The following SLC4A9 variants were observed in gnomAD, a reference collection of about 807,000 sequenced individuals.
SLC4A9 encodes the protein solute carrier family 4 member 9, also known as anion exchange protein 4.
Under a neutral mutation model 103.2 loss-of-function variants are expected in SLC4A9, and 102 were observed. That is an observed-to-expected ratio of 0.99 (90% CI 0.84 to 1.17). The LOEUF (loss-of-function observed/expected upper bound fraction) is 1.17. Ranked by LOEUF, SLC4A9 falls within the 50% of genes most tolerant of loss-of-function variation. The pLI is 0.00. For missense variants in SLC4A9, 1,091 were observed against 1,193.7 expected (o/e 0.91, Z 1.27); for synonymous variants, 453 against 483.6 (o/e 0.94, Z 0.83).
At chr5:140,361,194 G>A in intron 2 of SLC4A9, 60 bp from the exon 3 acceptor site, 1 of 1,439,114 alleles carries the variant, frequency 6.9e-7, no homozygotes, top group South Asian at 1.2e-5. Flanking sequence ...AGAGGGAGAA[G>A]GGGAAGAGTG....
rs778102992 is a variant in SLC4A9 at position 140,367,579 on chromosome 5, C to T, written c.2173C>T (p.Gln725Ter). Residue 725 changes from glutamine to a stop codon, truncating the protein, a stop_gained and splice_region_variant, in exon 15 of 22, where the codon CAG becomes TAG. Transcript: ENST00000506757. LOFTEE classifies it high-confidence loss of function. ...VILNRMEYRL[Q>*]KGAGFHLDLF... ...CCTCAACCGCATGGAATACAGACTG[C>T]AGGTAAGGCCTGCTGGGTAAGGCCC... The T allele has an allele frequency of 6.2e-7, 1 of 1,602,272 alleles. No homozygotes were observed. Among genetic ancestry groups the T allele is most frequent in the Non-Finnish European group, 8.5e-7 (1 of 1,174,496 alleles).
intron 18 of SLC4A9, 30 bp from the exon 19 acceptor site, chr5:140,371,421 C>T (rs756300051): frequency 8.7e-6 from 14 of 1,613,116 alleles, no homozygotes; most frequent in Non-Finnish European, 1.2e-5. Context: ...ACCTGAGTGC[C>T]CTGCTTTCCT....
chr5:140,367,623 C>T, intron 15 of SLC4A9, 42 bp downstream of exon 15: 1 of 1,599,220 alleles, frequency 6.3e-7, no homozygotes, highest in Non-Finnish European at 8.5e-7. Flanking sequence ...GGGACAGAAG[C>T]TCCAGGGGAG....
rs745391962 is a variant in SLC4A9, at chr5:140,371,602, C to A, written c.2648C>A (p.Ala883Glu). 1.2e-6 allele frequency: 2 copies of A among 1,614,056 alleles called. No homozygotes were observed. Among genetic ancestry groups the A allele is most frequent in the Admixed American group, 1.7e-5 (1 of 60,032 alleles). ...GLLWIIKSTP[A>E]AIIFPLMLLG... ...CTTTGGATAATCAAGTCTACCCCTG[C>A]AGCCATCATCTTCCCCCTCATGGTA... The change falls in exon 19 of 22, where the codon GCA (alanine) becomes GAA (glutamate). Residue 883 changes from alanine to glutamate, a missense_variant. Transcript: ENST00000506757.
At position 140,361,805 on chromosome 5, in the gene SLC4A9, T is replaced by C. The variant is rs777411791; in HGVS notation, c.506-3T>C. 2.6e-5 allele frequency: 42 copies of C among 1,613,892 alleles called. No homozygotes were observed. The highest frequency in any genetic ancestry group is 3.2e-5 in the Non-Finnish European group (38 of 1,179,894). ...TTAATCACTGCATAATCCTGTTTTG[T>C]AGGCTCTACTCATCCAAGAAAGGCT... On this transcript the variant is annotated splice_region_variant and splice_polypyrimidine_tract_variant and intron_variant, in intron 3 of 21. Transcript: ENST00000506757.
chr5:140,370,413 C>T (rs1477429272), intron 17 of SLC4A9, among the ~76,000 whole-genome samples: 2 of 148,128 alleles, frequency 1.4e-5, no homozygotes, highest in Non-Finnish European at 3.0e-5. Flanking sequence ...TGCAGTGAGC[C>T]GAGATCAAGC....
chr5:140,362,590 GCA>G (rs1767262460), intron 6 of SLC4A9, 58 bp downstream of exon 6: 4 of 1,452,612 alleles, frequency 2.8e-6, no homozygotes, highest in Non-Finnish European at 3.9e-6. Context: ...GTGTGTGTGT[GCA>G]CACATGCATA....
rs1430988114 is a variant in SLC4A9 at position 140,368,643 on chromosome 5, T to C, written c.2411T>C (p.Leu804Pro). The C allele has an allele frequency of 2.5e-6, 4 of 1,613,398 alleles. No homozygotes were observed. Among genetic ancestry groups the C allele is most frequent in the Non-Finnish European group, 3.4e-6 (4 of 1,179,684 alleles). The change falls in exon 17 of 22, where the codon CTG (leucine) becomes CCG (proline). Residue 804 changes from leucine (L) to proline (P), a missense_variant. Coordinates refer to ENST00000506757, the MANE Select transcript of SLC4A9 (RefSeq NM_031467.3). ...ATCCTTACAGGAGCCTCCATCTTCC[T>C]GGCACCTGTGCTCAAGGTACCTTTG... is the stretch of plus-strand genomic sequence containing the variant. ...VFILTGASIF[L>P]APVLKFIPMP...
At chr5:140,372,981 G>T (rs1293822122) in intron 21 of SLC4A9, 138 bp downstream of exon 21, 3 of 517,504 alleles carry the variant, frequency 5.8e-6, no homozygotes, top group Non-Finnish European at 6.7e-6. Flanking sequence ...GGGTGCTGGG[G>T]TGTAGAAGGG....
intron 21 of SLC4A9, among the ~76,000 whole-genome samples, chr5:140,374,412 T>C (rs1031572833): frequency 7.3e-5 from 11 of 151,052 alleles, no homozygotes; most frequent in African/African-American, 2.7e-4. Flanking sequence ...ATACAAAAAT[T>C]AGCTGGGTGT....
rs1268751672 is a variant in SLC4A9, at chr5:140,372,175, G to A, written c.2671-67G>A. ...CTAGCACATAGGAAGTGCTCAATAAGTGTTACTATTGTTAATGTTCCTACT... is the reference window on the plus strand; with the variant it reads ...CTAGCACATAGGAAGTGCTCAATAAATGTTACTATTGTTAATGTTCCTACT... On this transcript the variant is annotated intron_variant, in intron 19 of 21. Coordinates refer to ENST00000506757, the MANE Select transcript of SLC4A9 (RefSeq NM_031467.3). 8.0e-6 allele frequency: 11 copies of A among 1,380,620 alleles called. No homozygotes were observed. The African/African-American group carries it at 1.0e-4, about 13-fold the overall frequency. The allele number at this position is 1,380,620 out of a possible 1,614,324, so 85.5% of individuals were successfully genotyped here.
At position 140,362,920 on chromosome 5, in the gene SLC4A9, G is replaced by A. The variant is rs1464915592; in HGVS notation, c.816G>A (p.Gln272=). 2 of 1,613,972 alleles carry A rather than the reference G, an allele frequency of 1.2e-6. No individual in the cohort carries two copies. Among genetic ancestry groups the A allele is most frequent in the Non-Finnish European group, 1.7e-6 (2 of 1,179,878 alleles). Residue 272 remains glutamine, a synonymous_variant, in exon 7 of 22, where the codon CAG becomes CAA. Coordinates refer to ENST00000506757, the MANE Select transcript of SLC4A9 (RefSeq NM_031467.3). ...AAVLLSDPQF[Q]WSVRRASNLH... ...TGTGCCCCCATTCCCAGCAATTCCAGTGGTCAGTTCGTCGGGCCAGCAACC... is the reference window on the plus strand; with the variant it reads ...TGTGCCCCCATTCCCAGCAATTCCAATGGTCAGTTCGTCGGGCCAGCAACC...
In SLC4A9 at chr5:140,366,216, T is replaced by C. The variant is rs1463541800; in HGVS notation, c.1965T>C (p.Ala655=). Residue 655 remains alanine (A), a synonymous_variant, in exon 14 of 22, where the codon GCT becomes GCC. Coordinates refer to ENST00000506757, the MANE Select transcript of SLC4A9 (RefSeq NM_031467.3). The part of the protein sequence containing the change: ...LAILLGCGLD[A]FLGLATPKLM... ...TCCTGCTCGGCTGTGGCCTTGATGC[T>C]TTCCTGGGCCTAGCCACACCAAAGC... is the stretch of plus-strand genomic sequence containing the variant. 5.6e-6 allele frequency: 9 copies of C among 1,608,044 alleles called. No individual in the cohort carries two copies. The highest frequency in any genetic ancestry group is 1.7e-5 in the Admixed American group (1 of 58,628).
Position 140,362,995 on chromosome 5 carries a change from G to C in SLC4A9, c.891G>C (p.Val297=), listed in dbSNP as rs758658900. Residue 297 remains valine (V), a synonymous_variant, in exon 7 of 22, where the codon GTG becomes GTC. Transcript: ENST00000506757. The stretch of plus-strand genomic sequence containing the variant: ...ATGCATTCCTAGAGGAGGTGACAGT[G>C]CTTCCCCCAGGTCGGTGGGACCCAA... ...ALDAFLEEVT[V]LPPGRWDPTA... is the part of the protein sequence containing the mutation. The C allele has an allele frequency of 6.2e-7, 1 of 1,612,552 alleles. No homozygotes were observed. The highest frequency in any genetic ancestry group is 8.5e-7 in the Non-Finnish European group (1 of 1,179,492).
At chr5:140,372,102 C>A in intron 19 of SLC4A9, 140 bp from the exon 20 acceptor site, 1 of 784,056 alleles carries the variant, frequency 1.3e-6, no homozygotes. Flanking sequence ...TTTATTCTAT[C>A]TACCTCATAG....
At position 140,363,671 on chromosome 5, in the gene SLC4A9, C is replaced by T. The variant is rs1767454107; in HGVS notation, c.1080-57C>T. 5 of 1,598,662 alleles carry T rather than the reference C, an allele frequency of 3.1e-6. No homozygotes were observed. Among genetic ancestry groups the T allele is most frequent in the Non-Finnish European group, 4.3e-6 (5 of 1,171,324 alleles). On this transcript the variant is annotated intron_variant, in intron 8 of 21. Coordinates refer to ENST00000506757, the MANE Select transcript of SLC4A9 (RefSeq NM_031467.3). This position sits in a 1 kb window ranked among gnomAD's most constrained non-coding sequence, Gnocchi z 4.5. ...GCTCACCCGGTCACAGGGAAAGTAG[C>T]GGGGATGCGGGTGTGGAGTGTGAAA...
In SLC4A9 at chr5:140,360,201, A is replaced by T; in HGVS notation, c.-36A>T. The T allele has an allele frequency of 6.4e-7, 1 of 1,564,810 alleles. No individual in the cohort carries two copies. Among genetic ancestry groups the T allele is most frequent in the East Asian group, 2.3e-5 (1 of 43,926 alleles). On this transcript the variant is annotated 5_prime_UTR_variant, in exon 1 of 22. Transcript: ENST00000506757. ...CAGAGGGCCCCTGGCTTCAGAACCT[A>T]GGACTGTACTGGTTCTGAGATTCTG...
chr5:140,364,624 A>AG lies in SLC4A9; in HGVS notation c.1651+1dup. The AG allele has an allele frequency of 1.3e-6, 2 of 1,599,000 alleles. No homozygotes were observed. The highest frequency in any genetic ancestry group is 1.7e-4 in the Middle Eastern group (1 of 6,048). On this transcript the variant is annotated frameshift_variant and splice_region_variant, in exon 11 of 22. Coordinates refer to ENST00000506757, the MANE Select transcript of SLC4A9 (RefSeq NM_031467.3). LOFTEE classifies it high-confidence loss of function. ...GCCTCTGCCAATACCCAGGCCCAGG[A>AG]GGTGGGTAAGGGAAACAGGGACCTT...
chr5:140,367,645 C>T, intron 15 of SLC4A9, 64 bp downstream of exon 15: 1 of 1,602,522 alleles, frequency 6.2e-7, no homozygotes, highest in South Asian at 1.1e-5. Context: ...CTACGCTCCT[C>T]CTCTCCTACC....
Sources: allele counts gnomAD v4.1 joint callset (sites outside exome capture counted in the v4.1 genomes callset), GRCh38; gene constraint gnomAD v4.1.1; non-coding constraint Gnocchi (gnomAD v3.1); transcripts MANE v1.5; gene names NCBI Gene and HGNC (gene_info 2026-07-23, HGNC 2026-07-21).